The following WNT7B variants were observed in gnomAD, a reference collection of about 807,000 sequenced individuals.
The protein encoded by WNT7B is Wnt family member 7B.
In WNT7B, 19 loss-of-function variants were observed where a neutral mutation model predicts 38.2. That is an observed-to-expected ratio of 0.50 (90% confidence interval 0.35 to 0.73). The LOEUF is 0.73. WNT7B is among the 30% of genes least tolerant of loss of function. WNT7B has a pLI of 0.01. For synonymous variants in WNT7B, 243 were observed against 209.3 expected, an observed-to-expected ratio of 1.16 and a Z score of -1.39; for missense variants, 423 against 507.9, an observed-to-expected ratio of 0.83 and a Z score of 1.61.
intron 1 of WNT7B, among the ~76,000 whole-genome samples, chr22:45,953,723 T>TAAAAAAA (rs528714196): frequency 7.4e-6 from 1 of 134,306 alleles, no homozygotes. Context: ...GGCTATGATT[T>TAAAAAAA]AAAAAAAAAA....
chr22:45,932,419 C>A lies in WNT7B; in HGVS notation c.299-1050G>T, dbSNP rs191718652. On this transcript the variant is annotated intron_variant, in intron 2 of 3. Transcript: ENST00000339464. Reference sequence around the variant, plus strand: ...CCTGTCCAGGCAGCCTTCCCAGACCCCCCCCGCCAGAAGGGAGCACTTGGT... The same window carrying A: ...CCTGTCCAGGCAGCCTTCCCAGACCACCCCCGCCAGAAGGGAGCACTTGGT... Among the ~76,000 whole-genome samples the A allele has an allele frequency of 1.7e-3, 255 of 152,154 alleles. 2 individuals are homozygous for A. The highest frequency in any genetic ancestry group is 5.7e-3 in the African/African-American group (235 of 41,476).
rs115856791 is a variant in WNT7B at position 45,951,203 on chromosome 22, G to A, written c.72-1057C>T. ...AGCCATCCTTTTGCCTTAGCCTCCC[G>A]AGTAGCTGTACTACAGTTGCCCACC... is the stretch of plus-strand genomic sequence containing the variant. On this transcript the variant is annotated intron_variant, in intron 1 of 3. Coordinates refer to ENST00000339464, the MANE Select transcript of WNT7B (RefSeq NM_058238.3). The surrounding 1 kb of genome is among the most constrained non-coding windows in gnomAD (Gnocchi z 4.8). Among the ~76,000 whole-genome samples the A allele has an allele frequency of 0.016, 2,382 of 152,082 alleles. 56 individuals are homozygous for A. Among genetic ancestry groups the A allele is most frequent in the African/African-American group, 0.053 (2,207 of 41,446 alleles).
At chr22:45,973,921 T>C (rs1344008245) in intron 1 of WNT7B, among the ~76,000 whole-genome samples, 2 of 151,926 alleles carry the variant, frequency 1.3e-5, no homozygotes, top group African/African-American at 4.8e-5. Context: ...ACAGGCAGCA[T>C]GCAGGGAAGT....
intron 2 of WNT7B, among the ~76,000 whole-genome samples, chr22:45,935,168 C>T (rs762598053): frequency 9.2e-5 from 14 of 152,184 alleles, no homozygotes; most frequent in Non-Finnish European, 1.3e-4. Flanking sequence ...GCCATCCTTC[C>T]TCCAGGCTGA....
At chr22:45,974,191 A>G (rs1431444774) in intron 1 of WNT7B, among the ~76,000 whole-genome samples, 1 of 152,204 alleles carries the variant, frequency 6.6e-6, no homozygotes, top group Non-Finnish European at 1.5e-5. Context: ...CACGCAGTGA[A>G]GGGGGTGTTG....
chr22:45,961,204 G>T (rs1601738243), intron 1 of WNT7B, among the ~76,000 whole-genome samples: 1 of 152,240 alleles, frequency 6.6e-6, no homozygotes, highest in Non-Finnish European at 1.5e-5. Context: ...CTCAACAGCT[G>T]GTGCCCCGTC....
chr22:45,937,248 A>T (rs1931535722), intron 2 of WNT7B, among the ~76,000 whole-genome samples: 1 of 152,186 alleles, frequency 6.6e-6, no homozygotes. Context: ...CAAGTGACTG[A>T]GGTGAGGGCA....
At chr22:45,929,128 G>A (rs897107560) in intron 3 of WNT7B, among the ~76,000 whole-genome samples, 2 of 152,176 alleles carry the variant, frequency 1.3e-5, no homozygotes, top group African/African-American at 4.8e-5. Context: ...CTCGAGGATG[G>A]TGGTGGTTCC....
intron 2 of WNT7B, among the ~76,000 whole-genome samples, chr22:45,934,204 G>A (rs1183516997): frequency 2.0e-5 from 3 of 152,240 alleles, no homozygotes; most frequent in Admixed American, 2.0e-4. Flanking sequence ...CAGGAAGGCT[G>A]ACGGAGGAGC....
rs75335332 is a variant in WNT7B at position 45,955,079 on chromosome 22, G to A, written c.72-4933C>T. 7.1e-3 allele frequency among the ~76,000 whole-genome samples: 1,085 copies of A among 152,368 alleles called. 15 individuals are homozygous for A. The highest frequency in any genetic ancestry group is 0.025 in the African/African-American group (1,044 of 41,586). On this transcript the variant is annotated intron_variant, in intron 1 of 3. Coordinates refer to ENST00000339464, the MANE Select transcript of WNT7B (RefSeq NM_058238.3). ...GCTTTTCATTCTCAAAACAGCTTAA[G>A]TTCTTCCTTTGCTTAAAATCCTTCA... is the stretch of plus-strand genomic sequence containing the variant.
intron 3 of WNT7B, among the ~76,000 whole-genome samples, chr22:45,929,010 C>T (rs561606143): frequency 6.6e-6 from 1 of 152,194 alleles, no homozygotes; most frequent in African/African-American, 2.4e-5. Context: ...TCCAGGTCTG[C>T]TGCTCACTCT....
At chr22:45,946,161 A>G (rs903668397) in intron 2 of WNT7B, among the ~76,000 whole-genome samples, 1 of 152,042 alleles carries the variant, frequency 6.6e-6, no homozygotes, top group African/African-American at 2.4e-5. Context: ...GACCCTCCAG[A>G]GCTTCACTGG....
At chr22:45,957,104 C>CCAAAAAA (rs375199930) in intron 1 of WNT7B, among the ~76,000 whole-genome samples, 5 of 80,704 alleles carry the variant, frequency 6.2e-5, no homozygotes, top group African/African-American at 2.2e-4. Flanking sequence ...GACTCTGTCT[C>CCAAAAAA]AAAAAAAAAA....
rs147956180 is a variant in WNT7B, at chr22:45,960,631, G to A, written c.72-10485C>T. On this transcript the variant is annotated intron_variant, in intron 1 of 3. Coordinates refer to ENST00000339464, the MANE Select transcript of WNT7B (RefSeq NM_058238.3). ...GCGGCCCACGCTTCTGGCCCGGGGC[G>A]CTTTGTAATTCTTCCTTCTCAGGCA... Among the ~76,000 whole-genome samples the A allele has an allele frequency of 7.7e-3, 1,174 of 152,352 alleles. 16 individuals carry two copies. The highest frequency in any genetic ancestry group is 0.026 in the African/African-American group (1,087 of 41,580).
rs146894405 is a variant in WNT7B at position 45,957,479 on chromosome 22, T to A, written c.72-7333A>T. On this transcript the variant is annotated intron_variant, in intron 1 of 3. Coordinates refer to ENST00000339464, the MANE Select transcript of WNT7B (RefSeq NM_058238.3). ...CGAGTGGGTCACCTAAGGTCAGGAG[T>A]TTGAGACCAGCCTAGCCAACATGGT... is the stretch of plus-strand genomic sequence containing the variant. Among the ~76,000 whole-genome samples the A allele has an allele frequency of 7.7e-3, 1,161 of 149,930 alleles. 15 individuals are homozygous for A. The highest frequency in any genetic ancestry group is 0.027 in the African/African-American group (1,114 of 40,844).
chr22:45,938,118 C>A, intron 2 of WNT7B, among the ~76,000 whole-genome samples: 1 of 152,094 alleles, frequency 6.6e-6, no homozygotes, highest in East Asian at 1.9e-4. Context: ...TATAGATACA[C>A]AATGGAGTAT....
intron 2 of WNT7B, among the ~76,000 whole-genome samples, chr22:45,944,861 T>C (rs150867543): frequency 6.6e-6 from 1 of 152,258 alleles, no homozygotes; most frequent in Non-Finnish European, 1.5e-5. Context: ...AGTGACCCTC[T>C]ACCCTCAGAC....
chr22:45,955,108 T>C (rs903525122), intron 1 of WNT7B, among the ~76,000 whole-genome samples: 5 of 152,250 alleles, frequency 3.3e-5, no homozygotes, highest in Non-Finnish European at 2.9e-5. Context: ...TCCTTCAGGC[T>C]GTGCAGCAAT....
chr22:45,957,761 G>A (rs541880559), intron 1 of WNT7B, among the ~76,000 whole-genome samples: 21 of 143,634 alleles, frequency 1.5e-4, no homozygotes, highest in African/African-American at 3.6e-4. Context: ...AATCATGCCC[G>A]TGTGCTTTGT....
Sources: gnomAD v4.1 joint callset for allele counts (sites outside exome capture counted in the v4.1 genomes callset) on GRCh38, gnomAD v4.1.1 for gene constraint, Gnocchi (gnomAD v3.1) non-coding constraint, MANE v1.5 for transcripts, NCBI Gene and HGNC (gene_info 2026-07-23, HGNC 2026-07-21) for gene names.